Variants in GPR176 observed in about 807,000 individuals in gnomAD.
The protein encoded by GPR176 is G-protein coupled receptor 176.
A neutral mutation model predicts 35.4 loss-of-function variants in GPR176; 26 were observed. The observed-to-expected ratio is 0.74, with a 90% CI of 0.54 to 1.02. The LOEUF is 1.02. Ranked by LOEUF, GPR176 falls within the 50% of genes least tolerant of loss-of-function variation. The pLI is 0.00. For missense variants in GPR176, 597 were observed against 665.3 expected (o/e 0.90, Z 1.13); for synonymous variants, 278 against 271.3 (o/e 1.02, Z -0.24).
intron 1 of GPR176, among the ~76,000 whole-genome samples, chr15:39,858,128 T>C (rs564144044): frequency 3.6e-3 from 544 of 152,056 alleles, no homozygotes; most frequent in Non-Finnish European, 4.2e-3. Context: ...ATGAGACACC[T>C]GGATGAAGCT....
chr15:39,854,606 C>T (rs1010599444), intron 1 of GPR176, among the ~76,000 whole-genome samples: 1 of 152,128 alleles, frequency 6.6e-6, no homozygotes, highest in African/African-American at 2.4e-5. Flanking sequence ...CTAGCCCATA[C>T]CAAGAGTTCT....
chr15:39,872,206 T>C (rs1317558522), intron 1 of GPR176, among the ~76,000 whole-genome samples: 1 of 152,102 alleles, frequency 6.6e-6, no homozygotes. Flanking sequence ...TAAACAACAT[T>C]GTAGGAGAAA....
At chr15:39,840,051 A>C (rs1901647459) in intron 1 of GPR176, among the ~76,000 whole-genome samples, 1 of 152,218 alleles carries the variant, frequency 6.6e-6, no homozygotes, top group Non-Finnish European at 1.5e-5. Context: ...AAATTAGTTC[A>C]ACCATCGTGG....
rs549185364 is a variant in GPR176, at chr15:39,822,033, C to T, written c.173-14775G>A. Among the ~76,000 whole-genome samples, 6 of 152,344 alleles carry T rather than the reference C, an allele frequency of 3.9e-5. No individual in the cohort carries two copies. The East Asian group carries it at 5.8e-4, about 15-fold the overall frequency. Reference sequence around the variant, plus strand: ...TTGCTCTGGGGAAAGCCAAATGACACGTCTTGAGGAAACCCAAGCAGTCCT... The same window carrying T: ...TTGCTCTGGGGAAAGCCAAATGACATGTCTTGAGGAAACCCAAGCAGTCCT... On this transcript the variant is annotated intron_variant, in intron 1 of 2. Coordinates refer to ENST00000561100, the MANE Select transcript of GPR176 (RefSeq NM_007223.3).
chr15:39,901,646 G>T (rs1286949652), intron 1 of GPR176, among the ~76,000 whole-genome samples: 1 of 152,078 alleles, frequency 6.6e-6, no homozygotes, highest in African/African-American at 2.4e-5. Context: ...AACTCTCCTG[G>T]CACTATAACC....
chr15:39,847,519 G>T (rs1448782994), intron 1 of GPR176, among the ~76,000 whole-genome samples: 2 of 152,062 alleles, frequency 1.3e-5, no homozygotes, highest in Non-Finnish European at 2.9e-5. Context: ...GCCAAGGAGG[G>T]CCTCACTTAA....
At chr15:39,838,156 G>C (rs1290609853) in intron 1 of GPR176, among the ~76,000 whole-genome samples, 4 of 152,026 alleles carry the variant, frequency 2.6e-5, no homozygotes, top group African/African-American at 9.7e-5. Flanking sequence ...AATATGCTGG[G>C]TTTTTCAATA....
intron 1 of GPR176, among the ~76,000 whole-genome samples, chr15:39,851,755 C>T (rs911496939): frequency 3.9e-5 from 6 of 152,198 alleles, no homozygotes; most frequent in East Asian, 3.8e-4. Flanking sequence ...ACACAGACTT[C>T]GAGTAGCACT....
rs76167756 is a variant in GPR176 at position 39,918,826 on chromosome 15, T to C, written c.172+1029A>G. Among the ~76,000 whole-genome samples the C allele has an allele frequency of 4.9e-3, 741 of 152,338 alleles. 5 individuals carry two copies. The highest frequency in any genetic ancestry group is 0.04 in the East Asian group (205 of 5,188). On this transcript the variant is annotated intron_variant, in intron 1 of 2. Coordinates refer to ENST00000561100, the MANE Select transcript of GPR176 (RefSeq NM_007223.3). ...GGAAATTCCAAACATCTGAAATTCT[T>C]CTAAAAATAGTCTATTAAATGTCAG...
intron 1 of GPR176, among the ~76,000 whole-genome samples, chr15:39,859,669 T>C (rs1206787389): frequency 6.6e-6 from 1 of 152,114 alleles, no homozygotes; most frequent in Non-Finnish European, 1.5e-5. Context: ...ACAACATGGA[T>C]CAACCTTGAA....
intron 1 of GPR176, among the ~76,000 whole-genome samples, chr15:39,863,063 T>TC (rs1411855036): frequency 2.6e-5 from 4 of 151,798 alleles, no homozygotes; most frequent in Non-Finnish European, 1.5e-5. Flanking sequence ...GTTTTTCTTT[T>TC]TTTTTTTTTT....
At chr15:39,838,811 T>C (rs1211681715) in intron 1 of GPR176, among the ~76,000 whole-genome samples, 1 of 152,108 alleles carries the variant, frequency 6.6e-6, no homozygotes, top group East Asian at 1.9e-4. Context: ...CTATTCAACA[T>C]AGTGTTGGAA....
chr15:39,824,987 T>C (rs191106343), intron 1 of GPR176, among the ~76,000 whole-genome samples: 26 of 152,264 alleles, frequency 1.7e-4, no homozygotes, highest in Middle Eastern at 3.4e-3. Flanking sequence ...GGAGGACTAC[T>C]TGAGTCCAGG....
chr15:39,877,547 CTTCTT>C (rs1054472299), intron 1 of GPR176, among the ~76,000 whole-genome samples: 23 of 33,644 alleles, frequency 6.8e-4, no homozygotes, highest in Admixed American at 2.1e-3. Flanking sequence ...TCTTCTTCTT[CTTCTT>C]TTTTTTTTTT....
chr15:39,903,725 C>T (rs1208790026), intron 1 of GPR176, among the ~76,000 whole-genome samples: 1 of 152,094 alleles, frequency 6.6e-6, no homozygotes, highest in Non-Finnish European at 1.5e-5. Flanking sequence ...TTGAACAAAA[C>T]TGCATCATGA....
intron 1 of GPR176, among the ~76,000 whole-genome samples, chr15:39,834,754 G>A (rs1901289749): frequency 6.6e-6 from 1 of 152,172 alleles, no homozygotes; most frequent in African/African-American, 2.4e-5. Flanking sequence ...CATGGAGATA[G>A]AGAGTAGAAT....
rs556123367 is a variant in GPR176 at position 39,806,070 on chromosome 15, C to CTA, written c.425+934_425+935dup. Among the ~76,000 whole-genome samples, 35 of 152,308 alleles carry CTA rather than the reference C, an allele frequency of 2.3e-4. No individual in the cohort carries two copies. In the East Asian group the frequency reaches 3.3e-3, roughly 14 times the overall value. On this transcript the variant is annotated intron_variant, in intron 2 of 2. Coordinates refer to ENST00000561100, the MANE Select transcript of GPR176 (RefSeq NM_007223.3). Reference sequence around the variant, plus strand: ...CCTGGCCTGAGAGGCTGAAATGACTCTATAGATGGGTTCTACAATCAATAC... The same window carrying CTA: ...CCTGGCCTGAGAGGCTGAAATGACTCTATATAGATGGGTTCTACAATCAATAC...
chr15:39,866,163 A>G (rs2031821198), intron 1 of GPR176, among the ~76,000 whole-genome samples: 1 of 152,162 alleles, frequency 6.6e-6, no homozygotes. Flanking sequence ...TATATACTAC[A>G]TATTTGCTTA....
At position 39,920,081 on chromosome 15, in the gene GPR176, G is replaced by C. The variant is rs559563401; in HGVS notation, c.-55C>G. ...CGCCCGCCTCGGAGCCCCGCGCGGA[G>C]CCTCTCCTCCTCCGGGTGAGGAGGG... On this transcript the variant is annotated 5_prime_UTR_variant, in exon 1 of 3. Transcript: ENST00000561100. 2.3e-5 allele frequency: 28 copies of C among 1,205,414 alleles called. 1 individual carries two copies. In the African/African-American group the frequency reaches 3.6e-4, roughly 16 times the overall value. 74.7% of individuals were successfully genotyped at this position (1,205,414 alleles called of 1,614,324 possible).
Sources: allele counts gnomAD v4.1 joint callset (sites outside exome capture counted in the v4.1 genomes callset), GRCh38; gene constraint gnomAD v4.1.1; transcripts MANE v1.5; gene names NCBI Gene and HGNC (gene_info 2026-07-23, HGNC 2026-07-21).